KCTD15: variants seen among roughly 807,000 people sequenced by gnomAD.
KCTD15 encodes BTB/POZ domain-containing protein KCTD15.
In KCTD15, 11 loss-of-function variants were observed where a neutral mutation model predicts 27.2. The observed-to-expected ratio is 0.41, with a 90% CI of 0.25 to 0.67. The LOEUF (loss-of-function observed/expected upper bound fraction) is 0.67, where lower values mean the gene tolerates loss of function less well. Ranked by LOEUF, KCTD15 falls within the 30% of genes least tolerant of loss-of-function variation. The pLI is 0.35. For synonymous variants in KCTD15, 163 were observed against 176.0 expected, an observed-to-expected ratio of 0.93 and a Z score of 0.58; for missense variants, 350 against 409.3, an observed-to-expected ratio of 0.86 and a Z score of 1.25.
At chr19:33,804,668 C>CT (rs1427380941) in intron 4 of KCTD15, among the ~76,000 whole-genome samples, 25 of 152,370 alleles carry the variant, frequency 1.6e-4, no homozygotes, top group African/African-American at 6.0e-4. Context: ...GGCCCTCACT[C>CT]TGACATCTGG....
At chr19:33,811,587 C>T (rs1475000566) in intron 6 of KCTD15, 35 bp downstream of exon 6, 1 of 1,574,424 alleles carries the variant, frequency 6.4e-7, no homozygotes, top group South Asian at 1.2e-5. Context: ...CCCGCCGCAC[C>T]CCCGGCGTCC....
chr19:33,801,355 C>T lies in KCTD15; in HGVS notation c.242+13C>T. 6.3e-7 allele frequency: 1 copy of T among 1,596,714 alleles called. No individual in the cohort carries two copies. On this transcript the variant is annotated intron_variant, in intron 4 of 6. Coordinates refer to ENST00000683859, the MANE Select transcript of KCTD15 (RefSeq NM_001129994.2). Reference sequence around the variant, plus strand: ...ACCCTGACTCCAGGTAAGAGTAAGCCCCTTGAAACATCAGGCATGTGTGGG... The same window carrying T: ...ACCCTGACTCCAGGTAAGAGTAAGCTCCTTGAAACATCAGGCATGTGTGGG...
At chr19:33,805,529 A>G (rs1056600060) in intron 4 of KCTD15, among the ~76,000 whole-genome samples, 2 of 152,180 alleles carry the variant, frequency 1.3e-5, no homozygotes, top group Admixed American at 6.5e-5. Flanking sequence ...CTGCTGGTGC[A>G]GGCAGAGAGT....
intron 4 of KCTD15, among the ~76,000 whole-genome samples, chr19:33,806,577 C>T (rs545751396): frequency 1.6e-4 from 24 of 152,244 alleles, no homozygotes; most frequent in African/African-American, 5.5e-4. Flanking sequence ...CTTTCCAGGC[C>T]TGTAACATAA....
At chr19:33,797,460 G>A (rs1276492440) in intron 1 of KCTD15, 2 of 444,690 alleles carry the variant, frequency 4.5e-6, no homozygotes, top group Admixed American at 4.9e-5. Flanking sequence ...CAGTGGGACA[G>A]ATGTGCGTCC....
At chr19:33,803,133 C>G (rs1328646433) in intron 4 of KCTD15, among the ~76,000 whole-genome samples, 1 of 152,216 alleles carries the variant, frequency 6.6e-6, no homozygotes, top group East Asian at 1.9e-4. Context: ...GGCTGGGGCT[C>G]AAGGTGAATC....
chr19:33,804,301 A>G (rs974188904), intron 4 of KCTD15, among the ~76,000 whole-genome samples: 2 of 152,232 alleles, frequency 1.3e-5, no homozygotes, highest in Non-Finnish European at 2.9e-5. Context: ...AGGCAGATGG[A>G]AAACCTTCTA....
intron 1 of KCTD15, chr19:33,797,308 G>A: frequency 2.5e-6 from 1 of 396,522 alleles, no homozygotes; most frequent in East Asian, 7.5e-5. Context: ...GCGCGCTTGT[G>A]GAGGTCCCCG....
upstream of KCTD15, chr19:33,796,579 C>G (rs1287711566): frequency 6.6e-6 from 1 of 151,098 alleles, no homozygotes; most frequent in African/African-American, 2.4e-5. Flanking sequence ...CGCGGCGAGG[C>G]GCTGGCTAGG....
intron 5 of KCTD15, among the ~76,000 whole-genome samples, chr19:33,808,720 G>A (rs1324397398): frequency 6.6e-6 from 1 of 151,656 alleles, no homozygotes; most frequent in Non-Finnish European, 1.5e-5. Flanking sequence ...GCAGAGAGGG[G>A]TGGGGGTGGG....
chr19:33,802,189 G>A (rs1307888738), intron 4 of KCTD15, among the ~76,000 whole-genome samples: 1 of 151,568 alleles, frequency 6.6e-6, no homozygotes, highest in Admixed American at 6.5e-5. Flanking sequence ...AGCTTGCTCA[G>A]CCGAGGATGT....
At chr19:33,810,950 G>T (rs529948927) in intron 5 of KCTD15, among the ~76,000 whole-genome samples, 85 of 152,200 alleles carry the variant, frequency 5.6e-4, no homozygotes, top group South Asian at 2.1e-3. Flanking sequence ...GAGCTTCCAG[G>T]TCTTTCCATG....
chr19:33,796,555 C>G (rs1240802270), upstream of KCTD15: 1 of 149,904 alleles, frequency 6.7e-6, no homozygotes, highest in Non-Finnish European at 1.5e-5. Flanking sequence ...CTGCCCTTTA[C>G]GTCCGGGCTG....
rs1345691051 is a variant in KCTD15, at chr19:33,811,349, C to CTGGT, written c.490_491insTGGT (p.Arg164LeufsTer5). On this transcript the variant is annotated frameshift_variant, in exon 6 of 7. Transcript: ENST00000683859. LOFTEE classifies it high-confidence loss of function. The stretch of plus-strand genomic sequence containing the variant: ...GGAGCAGGAGCAGCGGCGCCGCAGC[C>CTGGT]GGGCCTGTGACTGCCTGGTGGTGCG... 6.4e-7 allele frequency: 1 copy of CTGGT among 1,566,846 alleles called. No individual in the cohort carries two copies.
intron 5 of KCTD15, among the ~76,000 whole-genome samples, 153 bp from the exon 6 acceptor site, chr19:33,811,094 T>C (rs1453301411): frequency 6.6e-6 from 1 of 152,102 alleles, no homozygotes; most frequent in East Asian, 1.9e-4. Flanking sequence ...GCCCCATCTG[T>C]ACAATGGGTG....
In KCTD15 at chr19:33,811,406, C is replaced by G. The variant is rs746577792; in HGVS notation, c.547C>G (p.Leu183Val). 2 of 1,609,640 alleles carry G rather than the reference C, an allele frequency of 1.2e-6. No homozygotes were observed. Among genetic ancestry groups the G allele is most frequent in the East Asian group, 2.2e-5 (1 of 44,588 alleles). ...VTPDLGERIALSGEKALIEEV... is the reference protein window; with the variant it reads ...VTPDLGERIAVSGEKALIEEV... ...GCCCGACTTGGGCGAGCGGATCGCA[C>G]TCAGCGGCGAGAAGGCCCTCATCGA... is the stretch of plus-strand genomic sequence containing the variant. The change falls in exon 6 of 7, where the codon CTC (leucine) becomes GTC (valine). Residue 183 changes from leucine to valine, a missense_variant. By Grantham distance (32) the Leu-to-Val change is conservative. Coordinates refer to ENST00000683859, the MANE Select transcript of KCTD15 (RefSeq NM_001129994.2).
rs1976002227 is a variant in KCTD15, at chr19:33,813,554, A to G, written c.*606A>G. The G allele has an allele frequency of 1.9e-5, 7 of 368,486 alleles. No individual in the cohort carries two copies. Among genetic ancestry groups the G allele is most frequent in the South Asian group, 1.0e-4 (5 of 49,330 alleles). 22.8% of individuals were successfully genotyped at this position (368,486 alleles called of 1,614,324 possible). A position where few individuals can be genotyped will look rare whatever the true frequency, so the allele number is the denominator to read the frequency against. ...GGACAGATGCAGGGATGTGTGCTGCAGGGCTGCTGGGAGGAGAGTGGTGGG... is the reference window on the plus strand; with the variant it reads ...GGACAGATGCAGGGATGTGTGCTGCGGGGCTGCTGGGAGGAGAGTGGTGGG... On this transcript the variant is annotated 3_prime_UTR_variant, in exon 7 of 7. Coordinates refer to ENST00000683859, the MANE Select transcript of KCTD15 (RefSeq NM_001129994.2).
chr19:33,813,247 G>A lies in KCTD15; in HGVS notation c.*299G>A, dbSNP rs921700416. On this transcript the variant is annotated 3_prime_UTR_variant, in exon 7 of 7. Coordinates refer to ENST00000683859, the MANE Select transcript of KCTD15 (RefSeq NM_001129994.2). ...AGCATCCTCTGAGGCCCCGGGGCCTGTTGGGGCGGGGTTGGAAGAGCCGTC... is the reference window on the plus strand; with the variant it reads ...AGCATCCTCTGAGGCCCCGGGGCCTATTGGGGCGGGGTTGGAAGAGCCGTC... The A allele has an allele frequency of 2.2e-5, 14 of 625,390 alleles. No individual in the cohort carries two copies. Among genetic ancestry groups the A allele is most frequent in the Admixed American group, 4.3e-5 (2 of 46,938 alleles). The allele number at this position is 625,390 out of a possible 1,614,324, so 38.7% of individuals were successfully genotyped here. A position where few individuals can be genotyped will look rare whatever the true frequency, so the allele number is the denominator to read the frequency against.
At position 33,811,925 on chromosome 19, in the gene KCTD15, G is replaced by A. The variant is rs558279111; in HGVS notation, c.693+373G>A. The A allele has an allele frequency of 7.9e-5, 122 of 1,552,280 alleles. No individual in the cohort carries two copies. The African/African-American group carries it at 1.2e-3, about 16-fold the overall frequency. On this transcript the variant is annotated intron_variant, in intron 6 of 6. Coordinates refer to ENST00000683859, the MANE Select transcript of KCTD15 (RefSeq NM_001129994.2). The stretch of plus-strand genomic sequence containing the variant: ...AGAGGCTGAGTGGAAAGGTGGTCTG[G>A]AGCCCCTTCCCTCTCCCTGCTGACC...
Sources: gnomAD v4.1 joint callset for allele counts (sites outside exome capture counted in the v4.1 genomes callset) on GRCh38, gnomAD v4.1.1 for gene constraint, MANE v1.5 for transcripts, NCBI Gene and HGNC (gene_info 2026-07-23, HGNC 2026-07-21) for gene names.